Variants in SPATA13 observed in about 807,000 individuals in gnomAD.
The protein encoded by SPATA13 is spermatogenesis associated 13, also known as spermatogenesis-associated protein 13.
SPATA13 carries 50 observed loss-of-function variants against 104.0 expected under a neutral mutation model. The ratio of observed to expected loss-of-function variants is 0.48; its 90% CI spans 0.38 to 0.61. The LOEUF (loss-of-function observed/expected upper bound fraction) is 0.61. Ranked by LOEUF, SPATA13 falls within the 20% of genes least tolerant of loss-of-function variation. SPATA13 has a pLI of 0.00. For synonymous variants in SPATA13, 606 were observed against 667.5 expected (o/e 0.91, Z 1.42); for missense variants, 1,524 against 1,690.6 (o/e 0.90, Z 1.73).
intron 3 of SPATA13, among the ~76,000 whole-genome samples, chr13:24,067,115 T>G (rs923503097): frequency 6.6e-6 from 1 of 152,162 alleles, no homozygotes; most frequent in African/African-American, 2.4e-5. Flanking sequence ...TCTAGCTCCA[T>G]GCTGCCCCAC....
chr13:24,264,954 A>G (rs925033035), intron 4 of SPATA13, among the ~76,000 whole-genome samples: 1 of 152,208 alleles, frequency 6.6e-6, no homozygotes, highest in African/African-American at 2.4e-5. Context: ...GTAGGGGTGA[A>G]TGATGAAGGG....
At chr13:24,111,107 G>T (rs1297704468) in intron 3 of SPATA13, among the ~76,000 whole-genome samples, 1 of 151,656 alleles carries the variant, frequency 6.6e-6, no homozygotes, top group Non-Finnish European at 1.5e-5. Flanking sequence ...ATGGGGTCTT[G>T]CTATGTTGCC....
At chr13:24,193,264 G>A (rs929859913) in intron 1 of SPATA13, among the ~76,000 whole-genome samples, 1 of 152,140 alleles carries the variant, frequency 6.6e-6, no homozygotes, top group Non-Finnish European at 1.5e-5. Context: ...GAAATGGACA[G>A]GAGGGAATGA....
chr13:24,095,622 C>T (rs765114881), intron 3 of SPATA13, among the ~76,000 whole-genome samples: 1 of 152,140 alleles, frequency 6.6e-6, no homozygotes, highest in Non-Finnish European at 1.5e-5. Flanking sequence ...AGAAAAACCA[C>T]CTTAGATAAC....
Position 24,206,609 on chromosome 13 carries a change from G to A in SPATA13, c.-111-16210G>A, listed in dbSNP as rs539555472. 7.3e-4 allele frequency among the ~76,000 whole-genome samples: 111 copies of A among 152,020 alleles called. 1 individual carries two copies. Among genetic ancestry groups the A allele is most frequent in the African/African-American group, 2.6e-3 (109 of 41,486 alleles). On this transcript the variant is annotated intron_variant, in intron 1 of 12. Transcript: ENST00000382108. ...ATCATTCTATTATAAAGATACATGC[G>A]GGCCAGGCACGGTGGCTCATGCCTG...
chr13:24,009,273 A>G lies in SPATA13; in HGVS notation c.-146-8394A>G, dbSNP rs118092037. Among the ~76,000 whole-genome samples the G allele has an allele frequency of 4.1e-4, 63 of 152,340 alleles. 1 individual carries two copies. The highest frequency in any genetic ancestry group is 3.4e-3 in the Middle Eastern group (1 of 294). ...CTTCTCCCATGGTCCTGTGAACCAA[A>G]AGTATCTGAGATACGTCTCCATTAA... On this transcript the variant is annotated intron_variant, in intron 2 of 14. Transcript: ENST00000424834.
intron 3 of SPATA13, among the ~76,000 whole-genome samples, chr13:24,063,272 G>T (rs988891708): frequency 2.0e-5 from 3 of 152,198 alleles, no homozygotes; most frequent in African/African-American, 7.2e-5. Flanking sequence ...GGATTCATAG[G>T]AGGAGTGAAG....
rs1455618852 is a variant in SPATA13, at chr13:24,223,795, C to T, written c.866C>T (p.Thr289Ile). Residue 289 changes from threonine to isoleucine, a missense_variant, in exon 2 of 13, where the codon ACC becomes ATC. Around this residue, in one of 2 missense-constraint regions of SPATA13, gnomAD observed 1,089 missense variants for 1,135.9 expected, o/e 0.96. Coordinates refer to ENST00000382108, the MANE Select transcript of SPATA13 (RefSeq NM_001166271.3). The part of the protein sequence containing the change: ...TAHDARVPQR[T>I]LSSSSTDSQK... The stretch of plus-strand genomic sequence containing the variant: ...CATGACGCACGGGTACCACAGAGGA[C>T]CCTGAGCAGTTCCTCCACTGACTCC... 1.9e-6 allele frequency: 3 copies of T among 1,551,826 alleles called. No individual in the cohort carries two copies. The highest frequency in any genetic ancestry group is 2.6e-6 in the Non-Finnish European group (3 of 1,147,010).
intron 2 of SPATA13, among the ~76,000 whole-genome samples, chr13:24,004,716 C>T (rs937510332): frequency 2.6e-5 from 4 of 152,130 alleles, no homozygotes; most frequent in East Asian, 1.9e-4. Flanking sequence ...ACATTCCATA[C>T]GATTTATCTT....
chr13:24,265,629 G>T (rs553788014), intron 4 of SPATA13, among the ~76,000 whole-genome samples: 5 of 152,240 alleles, frequency 3.3e-5, no homozygotes, highest in South Asian at 2.1e-4. Context: ...GGGATTATGG[G>T]TCATTCCAGC....
chr13:24,093,092 A>G (rs909016926), intron 3 of SPATA13, among the ~76,000 whole-genome samples: 1 of 152,226 alleles, frequency 6.6e-6, no homozygotes, highest in African/African-American at 2.4e-5. Context: ...ATTGTTTTCC[A>G]AAGCCAATAA....
rs192032953 is a variant in SPATA13, at chr13:24,051,892, G to A, written c.-112+34191G>A. Among the ~76,000 whole-genome samples, 3 of 152,250 alleles carry A rather than the reference G, an allele frequency of 2.0e-5. No individual in the cohort carries two copies. Among genetic ancestry groups the A allele is most frequent in the African/African-American group, 7.2e-5 (3 of 41,540 alleles). The stretch of plus-strand genomic sequence containing the variant: ...AGCCTGGGGTCCTAGGAGTTCCCCG[G>A]CACCTGTTCCTCCTCCTCAGCCCCG... On this transcript the variant is annotated intron_variant, in intron 3 of 14. Coordinates refer to the SPATA13 transcript ENST00000424834. The surrounding 1 kb of genome is among the most constrained non-coding windows in gnomAD (Gnocchi z 4.2).
At chr13:24,086,568 G>A (rs1879727947) in intron 3 of SPATA13, among the ~76,000 whole-genome samples, 1 of 152,194 alleles carries the variant, frequency 6.6e-6, no homozygotes, top group African/African-American at 2.4e-5. Context: ...CTTGGGGACT[G>A]GCGAGAAGGT....
At chr13:24,113,309 A>G (rs756832695) in intron 3 of SPATA13, among the ~76,000 whole-genome samples, 26 of 152,216 alleles carry the variant, frequency 1.7e-4, no homozygotes, top group Non-Finnish European at 3.4e-4. Flanking sequence ...TGTTTCATAA[A>G]GCTACTTCTG....
At chr13:24,128,071 G>T (rs1416057721) in intron 3 of SPATA13, among the ~76,000 whole-genome samples, 4 of 152,218 alleles carry the variant, frequency 2.6e-5, no homozygotes, top group African/African-American at 9.7e-5. Context: ...CTTTTTGCTT[G>T]TAGGGAAGGC....
chr13:24,122,002 A>G (rs2137825288), intron 3 of SPATA13: 1 of 1,140,316 alleles, frequency 8.8e-7, no homozygotes, highest in Admixed American at 1.7e-5. Flanking sequence ...CACTTCTGGA[A>G]CCACTGCTAG....
intron 2 of SPATA13, among the ~76,000 whole-genome samples, chr13:24,247,901 C>T (rs1009605411): frequency 2.1e-4 from 32 of 152,160 alleles, no homozygotes; most frequent in African/African-American, 7.7e-4. Flanking sequence ...TCCTTTGCCT[C>T]TACCAGCCAC....
chr13:24,087,003 T>C (rs1407258172), intron 3 of SPATA13, among the ~76,000 whole-genome samples: 2 of 152,046 alleles, frequency 1.3e-5, no homozygotes, highest in Non-Finnish European at 2.9e-5. Context: ...ATTAGGAACG[T>C]TTTCTTTTTT....
intron 1 of SPATA13, among the ~76,000 whole-genome samples, chr13:24,221,374 T>C (rs1352082243): frequency 6.6e-6 from 1 of 152,218 alleles, no homozygotes; most frequent in African/African-American, 2.4e-5. Context: ...ATTATCATAA[T>C]CTATCATTCA....
Sources: allele counts gnomAD v4.1 joint callset (sites outside exome capture counted in the v4.1 genomes callset), GRCh38; gene constraint gnomAD v4.1.1; regional missense constraint gnomAD v4.1.1; non-coding constraint Gnocchi (gnomAD v3.1); transcripts MANE v1.5; gene names NCBI Gene and HGNC (gene_info 2026-07-23, HGNC 2026-07-21).